Variants in S1PR5 observed in about 807,000 individuals in gnomAD.
The protein encoded by S1PR5 is sphingosine-1-phosphate receptor 5.
For synonymous variants in S1PR5, 307 were observed against 284.7 expected (o/e 1.08, Z -0.79); for missense variants, 583 against 571.7 (o/e 1.02, Z -0.20).
At chr19:10,516,154 C>T (rs1354623844) in intron 1 of S1PR5, among the ~76,000 whole-genome samples, 2 of 152,136 alleles carry the variant, frequency 1.3e-5, no homozygotes, top group Non-Finnish European at 2.9e-5. Context: ...TTCAGTCACA[C>T]GAATACAGGG....
In S1PR5 at chr19:10,513,392, A is replaced by G. The variant is rs1915331981; in HGVS notation, c.*423T>C. ...CCTCCGTCCCTGCTCCAGGCACACC[A>G]GCATCGCTGCATTTCTTAGAACACA... On this transcript the variant is annotated 3_prime_UTR_variant, in exon 2 of 2. Coordinates refer to ENST00000333430, the MANE Select transcript of S1PR5 (RefSeq NM_030760.5). 1 of 434,146 alleles carries G rather than the reference A, an allele frequency of 2.3e-6. No homozygotes were observed. Among genetic ancestry groups the G allele is most frequent in the Non-Finnish European group, 4.0e-6 (1 of 248,666 alleles). The allele number at this position is 434,146 out of a possible 1,614,324, so 26.9% of individuals were successfully genotyped here. A position where few individuals can be genotyped will look rare whatever the true frequency, so the allele number is the denominator to read the frequency against.
chr19:10,514,686 A>T lies in S1PR5; in HGVS notation c.326T>A (p.Phe109Tyr). 1 of 1,609,440 alleles carries T rather than the reference A, an allele frequency of 6.2e-7. No homozygotes were observed. The highest frequency in any genetic ancestry group is 8.5e-7 in the Non-Finnish European group (1 of 1,178,918). Residue 109 changes from phenylalanine (F) to tyrosine (Y), a missense_variant, in exon 2 of 2, where the codon TTC becomes TAC. Phe to Tyr is a conservative substitution (Grantham distance 22). Coordinates refer to ENST00000333430, the MANE Select transcript of S1PR5 (RefSeq NM_030760.5). Reference sequence around the variant, plus strand: ...CACGAAGACGCCTCCCTCCCGTGCGAACCAGAGCGCGGGGGACAGTTTCAG... The same window carrying T: ...CACGAAGACGCCTCCCTCCCGTGCGTACCAGAGCGCGGGGGACAGTTTCAG... ...LTLKLSPALWFAREGGVFVAL... is the reference protein window; with the variant it reads ...LTLKLSPALWYAREGGVFVAL...
intron 1 of S1PR5, among the ~76,000 whole-genome samples, chr19:10,515,417 C>A (rs1383378666): frequency 4.6e-5 from 7 of 152,058 alleles, no homozygotes; most frequent in African/African-American, 1.7e-4. Flanking sequence ...CGAGACCATC[C>A]TGGCTAACAC....
In S1PR5 at chr19:10,513,647, G is replaced by A; in HGVS notation, c.*168C>T. ...TTCCCAAGCAGAACGTCAATTCCAC[G>A]AGGGCACAGATTTTTTGTCTGTTTG... On this transcript the variant is annotated 3_prime_UTR_variant, in exon 2 of 2. Coordinates refer to ENST00000333430, the MANE Select transcript of S1PR5 (RefSeq NM_030760.5). 4.4e-6 allele frequency: 4 copies of A among 909,396 alleles called. No homozygotes were observed. Among genetic ancestry groups the A allele is most frequent in the South Asian group, 1.7e-5 (1 of 57,930 alleles). 56.3% of individuals were successfully genotyped at this position (909,396 alleles called of 1,614,324 possible).
At chr19:10,516,093 T>C (rs10402752) in intron 1 of S1PR5, among the ~76,000 whole-genome samples, 38,048 of 151,790 alleles carry the variant, frequency 0.25, 4,914 homozygotes, top group Non-Finnish European at 0.27. Flanking sequence ...AACTAAAAAA[T>C]ACATCATACA....
At chr19:10,516,741 A>G (rs1915447604) in intron 1 of S1PR5, among the ~76,000 whole-genome samples, 1 of 152,072 alleles carries the variant, frequency 6.6e-6, no homozygotes, top group Non-Finnish European at 1.5e-5. Context: ...AACTGTAATA[A>G]CACTCCTCAC....
At chr19:10,515,126 C>A in intron 1 of S1PR5, 97 bp from the exon 2 acceptor site, 1 of 1,458,914 alleles carries the variant, frequency 6.9e-7, no homozygotes, top group South Asian at 1.4e-5. Flanking sequence ...ACCCACTGAC[C>A]ATCACCCCCT....
Position 10,514,636 on chromosome 19 carries a change from G to A in S1PR5, c.376C>T (p.Leu126Phe). ...FVALTASVLS[L>F]LAIALERSLT... is the part of the protein sequence containing the mutation. The stretch of plus-strand genomic sequence containing the variant: ...CTGCGCTCCAGCGCGATGGCCAGGA[G>A]GCTCAGCACGGACGCAGTGAGTGCC... Residue 126 changes from leucine (L) to phenylalanine (F), a missense_variant, in exon 2 of 2, where the codon CTC becomes TTC. Physicochemically the swap from Leu to Phe is conservative, Grantham distance 22. Transcript: ENST00000333430. 6.3e-7 allele frequency: 1 copy of A among 1,599,194 alleles called. No homozygotes were observed. Among genetic ancestry groups the A allele is most frequent in the Non-Finnish European group, 8.5e-7 (1 of 1,175,108 alleles).
intron 1 of S1PR5, among the ~76,000 whole-genome samples, chr19:10,515,624 C>T (rs1915421082): frequency 6.6e-6 from 1 of 151,938 alleles, no homozygotes; most frequent in South Asian, 2.1e-4. Context: ...AAACACCCCC[C>T]CTCCCCACCA....
Position 10,514,658 on chromosome 19 carries a change from T to C in S1PR5, c.354A>G (p.Ala118=), listed in dbSNP as rs1249514573. The C allele has an allele frequency of 2.5e-6, 4 of 1,605,386 alleles. No homozygotes were observed. The highest frequency in any genetic ancestry group is 3.4e-6 in the Non-Finnish European group (4 of 1,177,848). Residue 118 remains alanine, a synonymous_variant, in exon 2 of 2, where the codon GCA becomes GCG. Transcript: ENST00000333430. ...WFAREGGVFV[A]LTASVLSLLA... ...GGAGGCTCAGCACGGACGCAGTGAG[T>C]GCCACGAAGACGCCTCCCTCCCGTG...
chr19:10,514,692 A>G lies in S1PR5; in HGVS notation c.320T>C (p.Leu107Pro). Reference protein sequence around the residue: ...GPLTLKLSPALWFAREGGVFV... With the variant: ...GPLTLKLSPAPWFAREGGVFV... ...GACGCCTCCCTCCCGTGCGAACCAG[A>G]GCGCGGGGGACAGTTTCAGCGTGAG... The change falls in exon 2 of 2, where the codon CTC becomes CCC. Residue 107 changes from leucine (L) to proline (P), a missense_variant. Physicochemically the swap from Leu to Pro is moderately conservative, Grantham distance 98. Transcript: ENST00000333430. 1 of 1,609,704 alleles carries G rather than the reference A, an allele frequency of 6.2e-7. No individual in the cohort carries two copies. The highest frequency in any genetic ancestry group is 8.5e-7 in the Non-Finnish European group (1 of 1,178,930).
upstream of S1PR5, chr19:10,517,461 T>G (rs1915465896): frequency 2.0e-6 from 2 of 985,506 alleles, no homozygotes; most frequent in African/African-American, 3.5e-5. Context: ...CGGACGCCGC[T>G]CCGGGGGCGG....
At chr19:10,515,718 C>A (rs923087832) in intron 1 of S1PR5, among the ~76,000 whole-genome samples, 1 of 151,876 alleles carries the variant, frequency 6.6e-6, no homozygotes, top group Non-Finnish European at 1.5e-5. Flanking sequence ...GTTTGAGGCC[C>A]AGGAGTTCGA....
rs1433473685 is a variant in S1PR5 at position 10,514,563 on chromosome 19, C to A, written c.449G>T (p.Arg150Leu). The change falls in exon 2 of 2, where the codon CGC becomes CTC. Residue 150 changes from arginine to leucine, a missense_variant. By Grantham distance (102) the Arg-to-Leu change is moderately radical. Transcript: ENST00000333430. Reference sequence around the variant, plus strand: ...GGCCGCGGCTGCCATCGCCAGCGTGCGCCCCCGACTGGAGACGGGCGCGGG... The same window carrying A: ...GGCCGCGGCTGCCATCGCCAGCGTGAGCCCCCGACTGGAGACGGGCGCGGG... ...RGPAPVSSRG[R>L]TLAMAAAAWG... is the part of the protein sequence containing the mutation. 3 of 1,577,102 alleles carry A rather than the reference C, an allele frequency of 1.9e-6. No individual in the cohort carries two copies. The highest frequency in any genetic ancestry group is 1.3e-5 in the African/African-American group (1 of 74,196).
chr19:10,515,635 A>AAC (rs1244773967), intron 1 of S1PR5, among the ~76,000 whole-genome samples: 1 of 151,300 alleles, frequency 6.6e-6, no homozygotes, highest in Non-Finnish European at 1.5e-5. Flanking sequence ...CTCCCCACCA[A>AAC]ACACACACAC....
chr19:10,516,404 G>A (rs547041743), intron 1 of S1PR5, among the ~76,000 whole-genome samples: 7 of 151,900 alleles, frequency 4.6e-5, no homozygotes, highest in South Asian at 2.1e-4. Context: ...CCAGGAGTTC[G>A]ACACCAGCTT....
chr19:10,514,897 C>A lies in S1PR5; in HGVS notation c.115G>T (p.Asp39Tyr). Residue 39 changes from aspartate to tyrosine, a missense_variant, in exon 2 of 2, where the codon GAC (aspartate) becomes TAC (tyrosine). Asp to Tyr is a radical substitution (Grantham distance 160, BLOSUM62 -3). Transcript: ENST00000333430. ...RYQPGAGLRA[D>Y]AVVCLAVCAF... ...CACACCGCCAGGCACACCACGGCGT[C>A]GGCGCGCAGGCCGGCACCCGGCTGG... 1 of 1,611,452 alleles carries A rather than the reference C, an allele frequency of 6.2e-7. No individual in the cohort carries two copies. The highest frequency in any genetic ancestry group is 8.5e-7 in the Non-Finnish European group (1 of 1,179,026).
intron 1 of S1PR5, among the ~76,000 whole-genome samples, chr19:10,516,847 C>T (rs1014729145): frequency 1.3e-5 from 2 of 152,102 alleles, no homozygotes; most frequent in Admixed American, 6.6e-5. Flanking sequence ...TCGAAGCAGG[C>T]GCAAAGGTTT....
intron 1 of S1PR5, 200 bp downstream of exon 1, chr19:10,517,198 A>C (rs1199895150): frequency 1.6e-5 from 3 of 191,732 alleles, no homozygotes; most frequent in Non-Finnish European, 2.9e-5. Flanking sequence ...GATTCCAGCC[A>C]CCTTCACCCC....
Sources: allele counts gnomAD v4.1 joint callset (sites outside exome capture counted in the v4.1 genomes callset), GRCh38; gene constraint gnomAD v4.1.1; transcripts MANE v1.5; gene names NCBI Gene and HGNC (gene_info 2026-07-23, HGNC 2026-07-21).